WDR70: variants seen among roughly 807,000 people sequenced by gnomAD.
WDR70 encodes WD repeat-containing protein 70.
Under a neutral mutation model 88.6 loss-of-function variants are expected in WDR70, and 53 were observed. That is an observed-to-expected ratio of 0.60 (90% CI 0.48 to 0.75). The LOEUF is 0.75. Among genes scored for constraint, WDR70 ranks in the 30% least tolerant of loss-of-function variants. The pLI, the probability that WDR70 is intolerant of heterozygous loss-of-function variation, is 0.00. For synonymous variants in WDR70, 280 were observed against 270.0 expected, an observed-to-expected ratio of 1.04 and a Z score of -0.36; for missense variants, 610 against 823.2, an observed-to-expected ratio of 0.74 and a Z score of 3.17.
chr5:37,599,530 A>T (rs996173141), intron 9 of WDR70, among the ~76,000 whole-genome samples: 9 of 152,358 alleles, frequency 5.9e-5, no homozygotes, highest in South Asian at 2.1e-4. Flanking sequence ...ATGCCAAAAC[A>T]ATTCAATGTA....
At chr5:37,463,048 C>T (rs1184272026) in intron 7 of WDR70, among the ~76,000 whole-genome samples, 8 of 151,822 alleles carry the variant, frequency 5.3e-5, no homozygotes, top group Non-Finnish European at 1.0e-4. Context: ...CCAAGGTGGG[C>T]GGAACACGAG....
At chr5:37,743,047 G>A (rs1561101312) in intron 17 of WDR70, among the ~76,000 whole-genome samples, 6 of 152,220 alleles carry the variant, frequency 3.9e-5, no homozygotes, top group Admixed American at 2.0e-4. Context: ...GGTGTTCAGA[G>A]GCTCCCATTG....
intron 10 of WDR70, among the ~76,000 whole-genome samples, chr5:37,695,084 G>C (rs1190817155): frequency 6.6e-6 from 1 of 152,158 alleles, no homozygotes; most frequent in East Asian, 1.9e-4. Context: ...TGGTTGGCTT[G>C]TGGGGATGCC....
chr5:37,467,872 G>A (rs1479616764), intron 7 of WDR70, among the ~76,000 whole-genome samples: 4 of 151,944 alleles, frequency 2.6e-5, no homozygotes, highest in South Asian at 2.1e-4. Context: ...CCGCCACCGC[G>A]CCCAGCTAAT....
intron 14 of WDR70, 45 bp downstream of exon 14, chr5:37,721,260 G>T (rs1468129163): frequency 2.6e-6 from 4 of 1,555,244 alleles, no homozygotes; most frequent in Non-Finnish European, 3.5e-6. Flanking sequence ...ACAACAACTG[G>T]GGGGAGGGAT....
intron 10 of WDR70, among the ~76,000 whole-genome samples, chr5:37,629,801 G>A (rs1744762850): frequency 6.6e-6 from 1 of 152,030 alleles, no homozygotes; most frequent in African/African-American, 2.4e-5. Context: ...TCTGTTACTA[G>A]AGAATTATGT....
chr5:37,572,920 T>G (rs975915671), intron 9 of WDR70, among the ~76,000 whole-genome samples: 2 of 152,224 alleles, frequency 1.3e-5, no homozygotes, highest in African/African-American at 4.8e-5. Context: ...CTAACTCTTT[T>G]TAATTCATCA....
intron 7 of WDR70, among the ~76,000 whole-genome samples, chr5:37,447,334 T>C (rs1581286949): frequency 6.6e-6 from 1 of 152,174 alleles, no homozygotes; most frequent in East Asian, 1.9e-4. Flanking sequence ...TTGTACACTA[T>C]TGGTGGGACT....
At chr5:37,510,832 A>C (rs1402343230) in intron 8 of WDR70, among the ~76,000 whole-genome samples, 1 of 152,196 alleles carries the variant, frequency 6.6e-6, no homozygotes, top group Non-Finnish European at 1.5e-5. Context: ...ACTGCAGGTC[A>C]GTGATTTGAT....
chr5:37,673,344 A>G (rs1457880124), intron 10 of WDR70, among the ~76,000 whole-genome samples: 1 of 152,048 alleles, frequency 6.6e-6, no homozygotes, highest in Non-Finnish European at 1.5e-5. Context: ...GCTATTGTGA[A>G]CAGTGTTGCA....
At chr5:37,719,688 A>C (rs1047536404) in intron 13 of WDR70, among the ~76,000 whole-genome samples, 6 of 152,156 alleles carry the variant, frequency 3.9e-5, no homozygotes, top group Admixed American at 2.0e-4. Flanking sequence ...ATTAAATAAA[A>C]GTCTTGTAGA....
chr5:37,423,145 A>G (rs1749998579), intron 5 of WDR70, among the ~76,000 whole-genome samples: 1 of 152,170 alleles, frequency 6.6e-6, no homozygotes, highest in Non-Finnish European at 1.5e-5. Flanking sequence ...GAATAAATTC[A>G]AAGTAAATTA....
intron 5 of WDR70, among the ~76,000 whole-genome samples, chr5:37,420,354 G>A (rs1039875939): frequency 1.3e-5 from 2 of 152,218 alleles, no homozygotes; most frequent in Admixed American, 6.5e-5. Flanking sequence ...GTGTTTGAAA[G>A]TAAAATAGTT....
intron 4 of WDR70, among the ~76,000 whole-genome samples, chr5:37,392,568 C>G (rs1748870036): frequency 1.3e-5 from 2 of 152,076 alleles, no homozygotes; most frequent in African/African-American, 4.8e-5. Flanking sequence ...AGGCTGGTCT[C>G]AAACTCCTGA....
Position 37,387,053 on chromosome 5 carries a change from C to T in WDR70, c.176-4947C>T, listed in dbSNP as rs529958475. Among the ~76,000 whole-genome samples, 129 of 151,078 alleles carry T rather than the reference C, an allele frequency of 8.5e-4. 1 individual carries two copies. Among genetic ancestry groups the T allele is most frequent in the Non-Finnish European group, 1.2e-3 (82 of 67,928 alleles). On this transcript the variant is annotated intron_variant, in intron 3 of 17. Transcript: ENST00000265107. ...GGCGGAGGTTGCAGTGAGCCTAGAT[C>T]GTGCCATTGCACTCCAGCCTGGGCG...
chr5:37,520,601 G>T (rs934075697), intron 9 of WDR70, among the ~76,000 whole-genome samples: 1 of 152,064 alleles, frequency 6.6e-6, no homozygotes, highest in African/African-American at 2.4e-5. Context: ...ACTAGGTAAG[G>T]TTTATTCTAG....
In WDR70 at chr5:37,427,630, C is replaced by T. The variant is rs181080208; in HGVS notation, c.493-10292C>T. Among the ~76,000 whole-genome samples, 112 of 152,220 alleles carry T rather than the reference C, an allele frequency of 7.4e-4. No individual in the cohort carries two copies. In the East Asian group the frequency reaches 0.013, roughly 18 times the overall value. The stretch of plus-strand genomic sequence containing the variant: ...GTGGCTCACACCAGTAATCCATGCA[C>T]TTTGGGAGGGCGAGGTGGGTGGATC... On this transcript the variant is annotated intron_variant, in intron 5 of 17. Transcript: ENST00000265107.
intron 17 of WDR70, among the ~76,000 whole-genome samples, chr5:37,741,234 T>G (rs1748465059): frequency 8.4e-5 from 2 of 23,834 alleles, no homozygotes; most frequent in Non-Finnish European, 2.5e-4. Flanking sequence ...AAGAGCCTAG[T>G]TCTTTTTTTT....
chr5:37,713,384 T>C (rs1050184560), intron 13 of WDR70, among the ~76,000 whole-genome samples: 1 of 152,216 alleles, frequency 6.6e-6, no homozygotes, highest in African/African-American at 2.4e-5. Context: ...TCTGCTTCTA[T>C]TTCTAGTCCT....
Sources: allele counts gnomAD v4.1 joint callset (sites outside exome capture counted in the v4.1 genomes callset), GRCh38; gene constraint gnomAD v4.1.1; transcripts MANE v1.5; gene names NCBI Gene and HGNC (gene_info 2026-07-23, HGNC 2026-07-21).